NAV3: variants seen among roughly 807,000 people sequenced by gnomAD.
The protein encoded by NAV3 is pore membrane and/or filament interacting like protein 1.
Under a neutral mutation model 244.7 loss-of-function variants are expected in NAV3, and 87 were observed. The observed-to-expected ratio is 0.36, with a 90% CI of 0.30 to 0.42. The LOEUF (loss-of-function observed/expected upper bound fraction) is 0.42. NAV3 is among the 20% of genes least tolerant of loss of function. The pLI, the probability that NAV3 is intolerant of heterozygous loss-of-function variation, is 1.00. For synonymous variants in NAV3, 1,126 were observed against 1,042.2 expected, an observed-to-expected ratio of 1.08 and a Z score of -1.55; for missense variants, 2,663 against 2,893.3, an observed-to-expected ratio of 0.92 and a Z score of 1.83.
intron 2 of NAV3, among the ~76,000 whole-genome samples, chr12:77,704,974 T>C (rs1229249710): frequency 6.6e-6 from 1 of 152,216 alleles, no homozygotes; most frequent in Admixed American, 6.5e-5. Flanking sequence ...CTCTGTGTTA[T>C]AGGAAATAGT....
chr12:78,185,551 C>A (rs1198442626), intron 30 of NAV3, 50 bp from the exon 31 acceptor site: 2 of 1,477,454 alleles, frequency 1.4e-6, no homozygotes, highest in East Asian at 2.3e-5. Context: ...GTAAACAAAT[C>A]TGAGCTAATG....
chr12:78,120,975 T>A (rs1358264498), intron 15 of NAV3, among the ~76,000 whole-genome samples: 2 of 152,224 alleles, frequency 1.3e-5, no homozygotes, highest in East Asian at 3.8e-4. Context: ...ACTGTCTTTT[T>A]AAAATACTGA....
At chr12:77,947,556 A>ACT (rs1337285698) in intron 3 of NAV3, 11 of 151,998 alleles carry the variant, frequency 7.2e-5, no homozygotes, top group Admixed American at 2.6e-4. Flanking sequence ...AGAGGAGTGG[A>ACT]ATATTGCTAA....
At chr12:77,672,229 A>G (rs1874010465) in intron 2 of NAV3, among the ~76,000 whole-genome samples, 1 of 152,130 alleles carries the variant, frequency 6.6e-6, no homozygotes, top group Non-Finnish European at 1.5e-5. Flanking sequence ...TCATAAGCAA[A>G]AAATAATAAA....
intron 12 of NAV3, among the ~76,000 whole-genome samples, chr12:78,114,455 G>A (rs1955266662): frequency 1.3e-5 from 2 of 152,158 alleles, no homozygotes; most frequent in Admixed American, 1.3e-4. Flanking sequence ...TGGCTGGCAA[G>A]GCCTCAGGAA....
At chr12:77,719,695 C>T (rs1387318249) in intron 2 of NAV3, among the ~76,000 whole-genome samples, 1 of 152,022 alleles carries the variant, frequency 6.6e-6, no homozygotes, top group African/African-American at 2.4e-5. Context: ...ATTCAGTTTG[C>T]TAGCATTTTG....
intron 2 of NAV3, among the ~76,000 whole-genome samples, chr12:77,783,816 G>A (rs1389173954): frequency 6.6e-6 from 1 of 152,162 alleles, no homozygotes; most frequent in Non-Finnish European, 1.5e-5. Context: ...ACTGAGGTGA[G>A]TAGGGACAAA....
chr12:77,775,361 C>T (rs573995342), intron 2 of NAV3, among the ~76,000 whole-genome samples: 1 of 150,186 alleles, frequency 6.7e-6, no homozygotes, highest in Admixed American at 6.6e-5. Flanking sequence ...CATTGTACTC[C>T]AGCATGGGCA....
At chr12:77,883,503 A>C (rs779597412) in intron 1 of NAV3, among the ~76,000 whole-genome samples, 5 of 152,120 alleles carry the variant, frequency 3.3e-5, no homozygotes, top group African/African-American at 1.2e-4. Context: ...TGCTCACTAC[A>C]TGAGTGATGG....
chr12:78,086,022 C>T (rs1481918687), intron 12 of NAV3, among the ~76,000 whole-genome samples: 1 of 152,016 alleles, frequency 6.6e-6, no homozygotes, highest in Non-Finnish European at 1.5e-5. Context: ...CCTGCTCAGC[C>T]ATTTTGTAAA....
chr12:78,151,958 G>A (rs1372221396), intron 22 of NAV3, among the ~76,000 whole-genome samples: 9 of 151,134 alleles, frequency 6.0e-5, no homozygotes, highest in Admixed American at 3.3e-4. Flanking sequence ...CTATCATAAC[G>A]TAACATGCTT....
chr12:77,800,253 T>C (rs1043359151), intron 2 of NAV3, among the ~76,000 whole-genome samples: 1 of 152,172 alleles, frequency 6.6e-6, no homozygotes, highest in Non-Finnish European at 1.5e-5. Flanking sequence ...TTTGTATTTA[T>C]GGGTGGGCTT....
chr12:78,206,536 C>T (rs1259229058), intron 39 of NAV3, among the ~76,000 whole-genome samples: 1 of 152,080 alleles, frequency 6.6e-6, no homozygotes, highest in Non-Finnish European at 1.5e-5. Context: ...AGTATGAAAC[C>T]CTTAGGAAAT....
intron 6 of NAV3, among the ~76,000 whole-genome samples, chr12:77,997,663 G>C (rs1313824687): frequency 2.6e-5 from 4 of 152,192 alleles, no homozygotes; most frequent in African/African-American, 9.7e-5. Context: ...CGTCTCCTCT[G>C]TGATCAGTTG....
At chr12:77,573,528 T>C (rs1025052382) in intron 2 of NAV3, among the ~76,000 whole-genome samples, 4 of 152,158 alleles carry the variant, frequency 2.6e-5, no homozygotes, top group Admixed American at 2.6e-4. Flanking sequence ...GTGTTACAAA[T>C]AAGTTTGTTG....
Position 78,171,504 on chromosome 12 carries a change from A to G in NAV3, c.4981+2638A>G, listed in dbSNP as rs184381576. On this transcript the variant is annotated intron_variant, in intron 24 of 39. Coordinates refer to ENST00000397909, the MANE Select transcript of NAV3 (RefSeq NM_001024383.2). The stretch of plus-strand genomic sequence containing the variant: ...TTAATATCTAAATTGATCAAGAAAT[A>G]TGAAAAAATAATTTGCTAGGTTTTA... 1.8e-3 allele frequency among the ~76,000 whole-genome samples: 270 copies of G among 151,796 alleles called. 1 individual carries two copies. The highest frequency in any genetic ancestry group is 5.7e-3 in the African/African-American group (238 of 41,520).
At position 78,155,757 on chromosome 12, in the gene NAV3, T is replaced by TA. The variant is rs1957277450; in HGVS notation, c.4786-3445dup. ...GTGGTTTTGATGTTACCCTTTTTTT[T>TA]ATATGTTTGTTGGCTGCATGACTGT... On this transcript the variant is annotated intron_variant, in intron 22 of 39. Transcript: ENST00000397909. Among the ~76,000 whole-genome samples, 5 of 152,140 alleles carry TA rather than the reference T, an allele frequency of 3.3e-5. No homozygotes were observed. In the South Asian group the frequency reaches 1.0e-3, roughly 32 times the overall value.
intron 12 of NAV3, among the ~76,000 whole-genome samples, chr12:78,104,128 C>G (rs924596353): frequency 2.6e-5 from 4 of 152,058 alleles, no homozygotes; most frequent in Admixed American, 6.6e-5. Context: ...TTTGAATAGC[C>G]TAGCTGATTG....
At chr12:78,051,204 A>G in intron 11 of NAV3, 57 bp downstream of exon 11, 11 of 1,534,438 alleles carry the variant, frequency 7.2e-6, no homozygotes, top group Non-Finnish European at 9.7e-6. Context: ...GTCTACTATA[A>G]TGCATTCACT....
Sources: gnomAD v4.1 joint callset for allele counts (sites outside exome capture counted in the v4.1 genomes callset) on GRCh38, gnomAD v4.1.1 for gene constraint, MANE v1.5 for transcripts, NCBI Gene and HGNC (gene_info 2026-07-23, HGNC 2026-07-21) for gene names.